SERINC2: variants seen among roughly 807,000 people sequenced by gnomAD.
SERINC2 encodes tumor differentially expressed protein 2.
A neutral mutation model predicts 54.2 loss-of-function variants in SERINC2; 56 were observed. The ratio of observed to expected loss-of-function variants is 1.03; its 90% CI spans 0.83 to 1.29. The LOEUF (loss-of-function observed/expected upper bound fraction) is 1.29, where lower values mean the gene tolerates loss of function less well. Among genes scored for constraint, SERINC2 ranks in the 50% most tolerant of loss-of-function variants. The pLI is 0.00. For missense variants in SERINC2, 614 were observed against 607.4 expected (o/e 1.01, Z -0.12); for synonymous variants, 272 against 253.1 (o/e 1.07, Z -0.71).
chr1:31,411,622 G>GGTA (rs1640650416), upstream of SERINC2, among the ~76,000 whole-genome samples: 2 of 152,104 alleles, frequency 1.3e-5, no homozygotes, highest in Non-Finnish European at 2.9e-5. Context: ...GGGGGTGAGG[G>GGTA]TGGTGGCTCT....
intron 8 of SERINC2, among the ~76,000 whole-genome samples, chr1:31,432,044 TGGACAGGGTGGAC>T: frequency 7.6e-6 from 1 of 130,854 alleles, no homozygotes; most frequent in Admixed American, 7.5e-5. Context: ...GTGGACAGGG[TGGACAGGGTGGAC>T]AGGGTGGACA....
chr1:31,431,813 A>G (rs797032608), intron 8 of SERINC2, among the ~76,000 whole-genome samples: 2 of 75,014 alleles, frequency 2.7e-5, no homozygotes, highest in Non-Finnish European at 7.6e-5. Context: ...GACAGGGTGG[A>G]CAGGGTGGAT....
intron 8 of SERINC2, among the ~76,000 whole-genome samples, chr1:31,432,602 A>G (rs544814165): frequency 5.3e-5 from 8 of 152,302 alleles, no homozygotes; most frequent in Admixed American, 3.3e-4. Context: ...GTGTTTATGG[A>G]AATGGCAAAG....
intron 2 of SERINC2, among the ~76,000 whole-genome samples, chr1:31,424,327 C>T (rs187099093): frequency 8.5e-4 from 130 of 152,284 alleles, no homozygotes; most frequent in African/African-American, 3.0e-3. Context: ...AGAGGGGCCA[C>T]AGAATCTCTG....
intron 3 of SERINC2, 92 bp downstream of exon 3, chr1:31,424,965 C>T (rs1203062957): frequency 1.9e-6 from 2 of 1,060,852 alleles, no homozygotes; most frequent in South Asian, 1.6e-5. Context: ...ACCCTACCCA[C>T]CACTCAGGAG....
intron 1 of SERINC2, chr1:31,414,067 G>A (rs1640714451): frequency 1.3e-6 from 2 of 1,496,238 alleles, no homozygotes; most frequent in Non-Finnish European, 1.8e-6. Context: ...TGAGGCGGGT[G>A]CGGGTCGTCA....
chr1:31,410,923 C>T (rs547059461), upstream of SERINC2, among the ~76,000 whole-genome samples: 2 of 152,294 alleles, frequency 1.3e-5, no homozygotes, highest in South Asian at 4.1e-4. Context: ...GGAGGGCTCA[C>T]TTGAGACTGC....
chr1:31,431,948 TTAGGGTGGTTAGGGTGGATAGGGTGGA>T (rs1641250577), intron 8 of SERINC2, among the ~76,000 whole-genome samples: 2 of 3,178 alleles, frequency 6.3e-4, no homozygotes, highest in East Asian at 9.4e-3. Context: ...GTTAGGGTGG[TTAGGGTGGTTAGGGTGGATAGGGTGGA>T]TAGGGTGGAT....
chr1:31,422,538 A>G (rs961586295), intron 1 of SERINC2, among the ~76,000 whole-genome samples: 24 of 152,210 alleles, frequency 1.6e-4, no homozygotes, highest in Admixed American at 5.9e-4. Context: ...CCTAGGCTGC[A>G]TTAGCACTTT....
upstream of SERINC2, among the ~76,000 whole-genome samples, chr1:31,412,086 G>T (rs1640660329): frequency 6.6e-6 from 1 of 151,556 alleles, no homozygotes; most frequent in Non-Finnish European, 1.5e-5. Context: ...TGTGTTTGTG[G>T]AACAGTCCTG....
At position 31,425,769 on chromosome 1, in the gene SERINC2, C is replaced by G; in HGVS notation, c.473-7C>G. The G allele has an allele frequency of 6.2e-7, 1 of 1,612,256 alleles. No homozygotes were observed. Among genetic ancestry groups the G allele is most frequent in the East Asian group, 2.2e-5 (1 of 44,876 alleles). On this transcript the variant is annotated splice_polypyrimidine_tract_variant and splice_region_variant and intron_variant, in intron 4 of 9. Coordinates refer to ENST00000373709, the MANE Select transcript of SERINC2 (RefSeq NM_178865.5). ...CCTCCTCGCCTCACTCCCCTCTCCC[C>G]ACCCAGTCTGGTTCTACTTCGGCGT...
chr1:31,432,934 A>G, intron 8 of SERINC2, 33 bp from the exon 9 acceptor site: 2 of 1,537,074 alleles, frequency 1.3e-6, no homozygotes, highest in Middle Eastern at 2.0e-4. Context: ...CGCCAGAGCT[A>G]TCTATTTGCC....
chr1:31,421,093 G>C (rs551843499), intron 1 of SERINC2, among the ~76,000 whole-genome samples: 1 of 152,172 alleles, frequency 6.6e-6, no homozygotes, highest in African/African-American at 2.4e-5. Context: ...AAGCATTACC[G>C]CCTGAGCTCC....
chr1:31,412,817 T>C (rs1455468274), upstream of SERINC2, among the ~76,000 whole-genome samples: 2 of 152,304 alleles, frequency 1.3e-5, no homozygotes, highest in African/African-American at 2.4e-5. Context: ...CCGAAGTTTC[T>C]TTATCCAGTC....
At chr1:31,427,297 G>A (rs1641072653) in intron 6 of SERINC2, among the ~76,000 whole-genome samples, 1 of 152,194 alleles carries the variant, frequency 6.6e-6, no homozygotes, top group South Asian at 2.1e-4. Flanking sequence ...GGAATAATGG[G>A]CAGGAGCTCC....
At chr1:31,432,455 G>C (rs1553134850) in intron 8 of SERINC2, among the ~76,000 whole-genome samples, 1 of 151,988 alleles carries the variant, frequency 6.6e-6, no homozygotes, top group Admixed American at 6.5e-5. Context: ...TGAAGGAAAG[G>C]GAGGCCATTG....
At chr1:31,423,251 A>AT (rs573411633) in intron 1 of SERINC2, among the ~76,000 whole-genome samples, 34 of 152,318 alleles carry the variant, frequency 2.2e-4, no homozygotes, top group African/African-American at 8.2e-4. Context: ...ACAATGTGGA[A>AT]TTTCTGTTTC....
intron 1 of SERINC2, chr1:31,414,064 G>C: frequency 2.0e-6 from 3 of 1,497,636 alleles, no homozygotes; most frequent in Non-Finnish European, 2.7e-6. Flanking sequence ...GAGTGAGGCG[G>C]GTGCGGGTCG....
At position 31,413,668 on chromosome 1, in the gene SERINC2, G is replaced by C; in HGVS notation, c.39+364G>C. The C allele has an allele frequency of 2.4e-6, 2 of 841,310 alleles. No homozygotes were observed. Among genetic ancestry groups the C allele is most frequent in the Non-Finnish European group, 3.2e-6 (2 of 633,780 alleles). The allele number at this position is 841,310 out of a possible 1,614,324, so 52.1% of individuals were successfully genotyped here. ...GTCGCCCCACTTGGGGCGGTCCTCG[G>C]GGTGGCCTCTGTCCCCGTCCCGGAC... is the stretch of plus-strand genomic sequence containing the variant. On this transcript the variant is annotated intron_variant, in intron 1 of 9. Coordinates refer to ENST00000373709, the MANE Select transcript of SERINC2 (RefSeq NM_178865.5). The surrounding 1 kb of genome is among the most constrained non-coding windows in gnomAD (Gnocchi z 5.0).
Sources: gnomAD v4.1 joint callset for allele counts (sites outside exome capture counted in the v4.1 genomes callset) on GRCh38, gnomAD v4.1.1 for gene constraint, Gnocchi (gnomAD v3.1) non-coding constraint, MANE v1.5 for transcripts, NCBI Gene and HGNC (gene_info 2026-07-23, HGNC 2026-07-21) for gene names.